The following ARHGAP21 variants were observed in gnomAD, a reference collection of about 807,000 sequenced individuals.
The protein encoded by ARHGAP21 is Rho GTPase activating protein 21.
A neutral mutation model predicts 164.6 loss-of-function variants in ARHGAP21; 38 were observed. The observed-to-expected ratio is 0.23, with a 90% CI of 0.18 to 0.30. The LOEUF is 0.30. ARHGAP21 is among the 10% of genes least tolerant of loss of function. ARHGAP21 has a pLI of 1.00. For synonymous variants in ARHGAP21, 766 were observed against 857.9 expected (o/e 0.89, Z 1.87); for missense variants, 1,822 against 2,370.7 (o/e 0.77, Z 4.81).
intron 4 of ARHGAP21, among the ~76,000 whole-genome samples, chr10:24,646,049 A>G (rs1006446687): frequency 2.1e-4 from 32 of 152,326 alleles, no homozygotes; most frequent in African/African-American, 7.7e-4. Context: ...GACTCAACAG[A>G]TGTTTGCTAA....
intron 1 of ARHGAP21, chr10:24,723,032 C>T (rs548195960): frequency 6.6e-6 from 1 of 152,216 alleles, no homozygotes; most frequent in Non-Finnish European, 1.5e-5. Context: ...ACCCACCTCC[C>T]CACGATTCCC....
rs895070317 is a variant in ARHGAP21, at chr10:24,721,964, C to T, written c.-65G>A. 11 of 1,525,242 alleles carry T rather than the reference C, an allele frequency of 7.2e-6. No individual in the cohort carries two copies. Among genetic ancestry groups the T allele is most frequent in the Non-Finnish European group, 1.0e-5 (11 of 1,105,224 alleles). The allele number at this position is 1,525,242 out of a possible 1,614,324, so 94.5% of individuals were successfully genotyped here. A position where few individuals can be genotyped will look rare whatever the true frequency, so the allele number is the denominator to read the frequency against. Reference sequence around the variant, plus strand: ...TCCACATTGGACGTGGCGGGGAATGCCACCACACACCCGAAGGGGAAGAAT... The same window carrying T: ...TCCACATTGGACGTGGCGGGGAATGTCACCACACACCCGAAGGGGAAGAAT... On this transcript the variant is annotated 5_prime_UTR_variant, in exon 2 of 26. Transcript: ENST00000396432.
chr10:24,657,479 G>A (rs1426646000), intron 4 of ARHGAP21, among the ~76,000 whole-genome samples: 8 of 94,344 alleles, frequency 8.5e-5, no homozygotes, highest in East Asian at 3.2e-4. Flanking sequence ...GGTGAGGGGC[G>A]CCTCTGCCCG....
At chr10:24,628,266 A>T (rs1432815798) in intron 7 of ARHGAP21, among the ~76,000 whole-genome samples, 1 of 152,214 alleles carries the variant, frequency 6.6e-6, no homozygotes, top group Non-Finnish European at 1.5e-5. Context: ...TCCCAACTCC[A>T]ACTGAACTGT....
chr10:24,714,185 C>T (rs560384104), intron 2 of ARHGAP21: 10 of 152,350 alleles, frequency 6.6e-5, no homozygotes, highest in Middle Eastern at 3.4e-3. Flanking sequence ...ATAACAGCAT[C>T]TGTGCATCTT....
chr10:24,593,122 G>GA (rs1238036769), intron 21 of ARHGAP21, among the ~76,000 whole-genome samples: 4 of 151,672 alleles, frequency 2.6e-5, no homozygotes, highest in South Asian at 2.1e-4. Flanking sequence ...AGCCAAAATG[G>GA]AAAAAAAAGA....
intron 21 of ARHGAP21, among the ~76,000 whole-genome samples, chr10:24,592,326 A>T (rs1212467380): frequency 6.6e-6 from 1 of 152,118 alleles, no homozygotes; most frequent in Non-Finnish European, 1.5e-5. Context: ...AGTGTCAGCC[A>T]CCACAAGTGG....
chr10:24,639,680 A>C (rs1836787615), intron 4 of ARHGAP21, among the ~76,000 whole-genome samples: 2 of 152,108 alleles, frequency 1.3e-5, no homozygotes, highest in South Asian at 4.1e-4. Flanking sequence ...AAGTAAAAAG[A>C]GATTATACTA....
chr10:24,616,980 T>C (rs1225999175), intron 9 of ARHGAP21, among the ~76,000 whole-genome samples: 1 of 152,070 alleles, frequency 6.6e-6, no homozygotes, highest in African/African-American at 2.4e-5. Flanking sequence ...GCAACCTTAG[T>C]ATATAGCAGG....
intron 4 of ARHGAP21, among the ~76,000 whole-genome samples, chr10:24,653,498 G>A (rs557583181): frequency 3.9e-5 from 6 of 152,174 alleles, no homozygotes; most frequent in East Asian, 1.9e-4. Flanking sequence ...GTGTGAACCC[G>A]GGAAGCGGAG....
Position 24,584,603 on chromosome 10 carries a change from T to G in ARHGAP21, c.5686A>C (p.Thr1896Pro). 1 of 1,613,958 alleles carries G rather than the reference T, an allele frequency of 6.2e-7. No homozygotes were observed. The highest frequency in any genetic ancestry group is 8.5e-7 in the Non-Finnish European group (1 of 1,179,864). The change falls in exon 26 of 26, where the codon ACA becomes CCA. Residue 1896 changes from threonine to proline, a missense_variant. Transcript: ENST00000396432. ...GCCAAGGTGCTGGAAGAACTGCCTG[T>G]GTTGCAATGAAGAGACAAAGGTGTG... is the stretch of plus-strand genomic sequence containing the variant. The part of the protein sequence containing the change: ...TDTPLSLHCN[T>P]GSSSSTLAST...
At chr10:24,721,699 G>C in intron 2 of ARHGAP21, 138 bp downstream of exon 2, 1 of 914,442 alleles carries the variant, frequency 1.1e-6, no homozygotes, top group South Asian at 1.5e-5. Flanking sequence ...TACTGGTTAA[G>C]CTGGGGCGCT....
chr10:24,620,066 C>A lies in ARHGAP21; in HGVS notation c.1829G>T (p.Gly610Val), dbSNP rs1327521540. 7.4e-6 allele frequency: 12 copies of A among 1,613,916 alleles called. No individual in the cohort carries two copies. The highest frequency in any genetic ancestry group is 1.3e-5 in the African/African-American group (1 of 75,012). Residue 610 changes from glycine to valine, a missense_variant, in exon 9 of 26, where the codon GGT becomes GTT. Transcript: ENST00000396432. ...QTTCGMSLPR[G>V]ISQDRSPLVK... ...AAGAGGTGACCTGTCTTGTGAAATA[C>A]CCCGAGGCAGTGACATTCCACAAGT...
chr10:24,648,772 T>A (rs1837860821), intron 4 of ARHGAP21: 1 of 923,196 alleles, frequency 1.1e-6, no homozygotes, highest in Non-Finnish European at 1.3e-6. Context: ...AGAGCAAAAC[T>A]CTGTCTCAAA....
chr10:24,709,475 T>C (rs1253414855), intron 2 of ARHGAP21, among the ~76,000 whole-genome samples: 1 of 152,120 alleles, frequency 6.6e-6, no homozygotes, highest in Non-Finnish European at 1.5e-5. Context: ...CTGCGTCTCA[T>C]GCCTGTAATC....
intron 7 of ARHGAP21, chr10:24,628,982 ATTTTTTTTTT>A (rs1166249007): frequency 6.9e-4 from 8 of 11,632 alleles, no homozygotes; most frequent in Admixed American, 1.9e-3. Flanking sequence ...ATATATATAT[ATTTTTTTTTT>A]TTTTTTTTTT....
At chr10:24,663,076 A>G (rs1270739973) in intron 4 of ARHGAP21, among the ~76,000 whole-genome samples, 2 of 152,056 alleles carry the variant, frequency 1.3e-5, no homozygotes, top group East Asian at 3.9e-4. Context: ...GAATGTGTGC[A>G]GATTAGCATA....
At chr10:24,645,118 T>C (rs1837429493) in intron 4 of ARHGAP21, among the ~76,000 whole-genome samples, 2 of 152,074 alleles carry the variant, frequency 1.3e-5, no homozygotes, top group African/African-American at 4.8e-5. Flanking sequence ...AAACACACAC[T>C]CCATCCTAAA....
chr10:24,714,954 C>T (rs1401936792), intron 2 of ARHGAP21, among the ~76,000 whole-genome samples: 2 of 150,902 alleles, frequency 1.3e-5, no homozygotes, highest in Admixed American at 6.6e-5. Context: ...GGCATGAGCC[C>T]GCGAGGCAGA....
Sources: allele counts gnomAD v4.1 joint callset (sites outside exome capture counted in the v4.1 genomes callset), GRCh38; gene constraint gnomAD v4.1.1; transcripts MANE v1.5; gene names NCBI Gene and HGNC (gene_info 2026-07-23, HGNC 2026-07-21).